Variants in CSMD1 observed in about 807,000 individuals in gnomAD.
CSMD1 encodes the protein CUB and Sushi multiple domains 1, also known as CUB and sushi domain-containing protein 1.
A neutral mutation model predicts 417.5 loss-of-function variants in CSMD1; 213 were observed. The ratio of observed to expected loss-of-function variants is 0.51; its 90% CI spans 0.46 to 0.57. The LOEUF (loss-of-function observed/expected upper bound fraction) is 0.57. Ranked by LOEUF, CSMD1 falls within the 20% of genes least tolerant of loss-of-function variation. The probability of loss-of-function intolerance (pLI) is 0.00; values close to 1 mark genes in which losing one functional copy is unlikely to be tolerated. For synonymous variants in CSMD1, 2,862 were observed against 1,736.8 expected, an observed-to-expected ratio of 1.65 and a Z score of -16.11; for missense variants, 6,923 against 4,529.7, an observed-to-expected ratio of 1.53 and a Z score of -15.17.
At chr8:3,982,160 A>AAAT (rs534030179) in intron 5 of CSMD1, among the ~76,000 whole-genome samples, 1,504 of 89,494 alleles carry the variant, frequency 0.017, 18 homozygotes, top group African/African-American at 0.041. Flanking sequence ...TCTATCTCAA[A>AAAT]AATAATAATA....
intron 3 of CSMD1, among the ~76,000 whole-genome samples, chr8:4,261,379 G>A (rs1450108210): frequency 2.6e-5 from 4 of 152,110 alleles, no homozygotes; most frequent in Non-Finnish European, 4.4e-5. Flanking sequence ...ATAGAGATTA[G>A]AATCAGAATG....
At chr8:3,540,513 A>G (rs1263958404) in intron 10 of CSMD1, among the ~76,000 whole-genome samples, 2 of 152,246 alleles carry the variant, frequency 1.3e-5, no homozygotes, top group African/African-American at 4.8e-5. Flanking sequence ...AATTACAACA[A>G]AAGTAAAAAC....
chr8:4,697,047 C>A (rs1734080002), intron 1 of CSMD1, among the ~76,000 whole-genome samples: 1 of 152,192 alleles, frequency 6.6e-6, no homozygotes, highest in East Asian at 1.9e-4. Flanking sequence ...TGGTGCGTGC[C>A]TGTAATCCCA....
intron 7 of CSMD1, among the ~76,000 whole-genome samples, chr8:3,656,701 G>A (rs1295865173): frequency 6.6e-6 from 1 of 152,142 alleles, no homozygotes; most frequent in Non-Finnish European, 1.5e-5. Context: ...GCTGAGGCAG[G>A]CAGATCACAA....
At chr8:2,967,948 G>A (rs1022192139) in intron 57 of CSMD1, among the ~76,000 whole-genome samples, 1 of 152,196 alleles carries the variant, frequency 6.6e-6, no homozygotes, top group East Asian at 1.9e-4. Context: ...TCCTGGTCCC[G>A]TGCCAATGGC....
chr8:3,769,022 T>G (rs1798437221), intron 5 of CSMD1, among the ~76,000 whole-genome samples: 1 of 152,216 alleles, frequency 6.6e-6, no homozygotes, highest in African/African-American at 2.4e-5. Flanking sequence ...GGGAGGGCGT[T>G]AGTTGCTTTT....
chr8:3,821,871 C>A (rs1019541341), intron 5 of CSMD1, among the ~76,000 whole-genome samples: 1 of 152,116 alleles, frequency 6.6e-6, no homozygotes, highest in Non-Finnish European at 1.5e-5. Flanking sequence ...GAAAGTCACA[C>A]GGAGAAGGTA....
intron 22 of CSMD1, among the ~76,000 whole-genome samples, chr8:3,343,877 C>G (rs1203352918): frequency 1.3e-5 from 2 of 152,130 alleles, no homozygotes; most frequent in East Asian, 3.9e-4. Flanking sequence ...CATACCCTTC[C>G]TTTCTATTCC....
chr8:4,144,443 G>C (rs147706240), intron 3 of CSMD1, among the ~76,000 whole-genome samples: 27 of 151,254 alleles, frequency 1.8e-4, no homozygotes, highest in Non-Finnish European at 3.4e-4. Flanking sequence ...CATTTCTCTA[G>C]TTTCAACTGC....
intron 3 of CSMD1, among the ~76,000 whole-genome samples, chr8:4,268,621 G>C (rs889668879): frequency 3.9e-5 from 6 of 152,062 alleles, no homozygotes; most frequent in Non-Finnish European, 4.4e-5. Context: ...TGGGATTACA[G>C]TCAAGTTCAC....
rs1812732380 is a variant in CSMD1, at chr8:3,411,764, ATATACGTGTG to A, written c.1562-2169_1562-2160del. ...TATATATACACGTGTATATACGTGT[ATATACGTGTG>A]TATATACCTGTATATATACACGTAT... On this transcript the variant is annotated intron_variant, in intron 12 of 69. Coordinates refer to ENST00000635120, the MANE Select transcript of CSMD1 (RefSeq NM_033225.6). Among the ~76,000 whole-genome samples, 4 of 124,332 alleles carry A rather than the reference ATATACGTGTG, an allele frequency of 3.2e-5. 1 individual carries two copies. Among genetic ancestry groups the A allele is most frequent in the African/African-American group, 1.2e-4 (4 of 33,154 alleles). The allele number at this position is 124,332 out of a possible 152,430, so 81.6% of individuals were successfully genotyped here.
At chr8:3,012,995 T>A (rs1808519316) in intron 52 of CSMD1, among the ~76,000 whole-genome samples, 1 of 152,196 alleles carries the variant, frequency 6.6e-6, no homozygotes. Context: ...CTCTTGCCTG[T>A]CACCATGTAA....
intron 2 of CSMD1, among the ~76,000 whole-genome samples, chr8:4,470,220 A>C (rs774131156): frequency 1.8e-4 from 28 of 151,834 alleles, no homozygotes; most frequent in Non-Finnish European, 2.9e-5. Context: ...CTGGCCTCTG[A>C]TATTTTTCAG....
chr8:3,886,950 T>G (rs1293196853), intron 5 of CSMD1, among the ~76,000 whole-genome samples: 4 of 152,174 alleles, frequency 2.6e-5, no homozygotes, highest in Non-Finnish European at 5.9e-5. Context: ...TTCAGTGAAA[T>G]GCATGTCTTC....
intron 3 of CSMD1, among the ~76,000 whole-genome samples, chr8:4,119,802 A>G (rs919413812): frequency 1.3e-5 from 2 of 152,214 alleles, no homozygotes; most frequent in Non-Finnish European, 2.9e-5. Context: ...AAAACGTTCT[A>G]CGATGCAATT....
intron 23 of CSMD1, among the ~76,000 whole-genome samples, chr8:3,330,465 G>T (rs750686406): frequency 6.6e-6 from 1 of 152,186 alleles, no homozygotes; most frequent in Non-Finnish European, 1.5e-5. Flanking sequence ...TGGAGCTGGA[G>T]GGTATTATCG....
rs1801974922 is a variant in CSMD1, at chr8:4,859,047, G to T, written c.85+135285C>A. 5.9e-5 allele frequency among the ~76,000 whole-genome samples: 9 copies of T among 151,766 alleles called. 1 individual carries two copies. The highest frequency in any genetic ancestry group is 5.9e-4 in the Admixed American group (9 of 15,226). On this transcript the variant is annotated intron_variant, in intron 1 of 69. Transcript: ENST00000635120. ...AAGGCTACAGTAACCAAAACAGCAT[G>T]GTACTGGTACCAAAACAGAGATATA...
chr8:3,878,469 C>G (rs1805980239), intron 5 of CSMD1, among the ~76,000 whole-genome samples: 1 of 152,042 alleles, frequency 6.6e-6, no homozygotes, highest in African/African-American at 2.4e-5. Flanking sequence ...TGAACAGACT[C>G]TTAAATATTA....
chr8:4,047,959 G>C (rs919397499), intron 3 of CSMD1, among the ~76,000 whole-genome samples: 5 of 152,124 alleles, frequency 3.3e-5, no homozygotes, highest in Admixed American at 1.3e-4. Context: ...GTCATGTTGA[G>C]TCCTTAGGCC....
Sources: allele counts gnomAD v4.1 joint callset (sites outside exome capture counted in the v4.1 genomes callset), GRCh38; gene constraint gnomAD v4.1.1; transcripts MANE v1.5; gene names NCBI Gene and HGNC (gene_info 2026-07-23, HGNC 2026-07-21).